The following UCK2 variants were observed in gnomAD, a reference collection of about 807,000 sequenced individuals.
The protein encoded by UCK2 is cytidine monophosphokinase 2.
A neutral mutation model predicts 30.8 loss-of-function variants in UCK2; 6 were observed. The observed-to-expected ratio is 0.19, with a 90% confidence interval of 0.11 to 0.38. The LOEUF is 0.38. UCK2 is among the 10% of genes least tolerant of loss of function. UCK2 has a pLI of 1.00. For synonymous variants in UCK2, 125 were observed against 133.6 expected, an observed-to-expected ratio of 0.94 and a Z score of 0.45; for missense variants, 210 against 339.8, an observed-to-expected ratio of 0.62 and a Z score of 3.00.
intron 1 of UCK2, among the ~76,000 whole-genome samples, chr1:165,864,625 G>T (rs539351166): frequency 2.6e-5 from 4 of 152,250 alleles, no homozygotes; most frequent in African/African-American, 9.6e-5. Context: ...ACATATATAA[G>T]TAAGGTTTTA....
At position 165,836,664 on chromosome 1, in the gene UCK2, G is replaced by A. The variant is rs1314323015; in HGVS notation, c.99+8732G>A. Among the ~76,000 whole-genome samples the A allele has an allele frequency of 2.0e-5, 3 of 152,096 alleles. No individual in the cohort carries two copies. In the East Asian group the frequency reaches 5.8e-4, roughly 29 times the overall value. ...AGTATTTTAGATCACCTTTTTGCAT[G>A]GATTCAGAGTGGAGGGGTGATGGGC... On this transcript the variant is annotated intron_variant, in intron 1 of 6. Coordinates refer to ENST00000367879, the MANE Select transcript of UCK2 (RefSeq NM_012474.5).
intron 1 of UCK2, among the ~76,000 whole-genome samples, chr1:165,845,496 C>T (rs1654425850): frequency 6.6e-6 from 1 of 152,112 alleles, no homozygotes; most frequent in Admixed American, 6.5e-5. Flanking sequence ...GAGAGCATGT[C>T]CCTTGAGGTG....
chr1:165,836,057 C>T lies in UCK2; in HGVS notation c.99+8125C>T, dbSNP rs370236936. Among the ~76,000 whole-genome samples the T allele has an allele frequency of 1.5e-4, 23 of 152,144 alleles. No homozygotes were observed. The East Asian group carries it at 3.3e-3, about 22-fold the overall frequency. On this transcript the variant is annotated intron_variant, in intron 1 of 6. Transcript: ENST00000367879. ...CAGCCTGGCCAACATGGGGAAACCC[C>T]GTCTCTACTAAAATACAAAAATTAG...
intron 1 of UCK2, among the ~76,000 whole-genome samples, chr1:165,863,540 A>G (rs191450229): frequency 1.3e-5 from 2 of 152,362 alleles, no homozygotes; most frequent in East Asian, 1.9e-4. Flanking sequence ...CGTGTTGCAC[A>G]GTGAGTGAAC....
intron 1 of UCK2, among the ~76,000 whole-genome samples, chr1:165,855,510 CTT>C (rs76464312): frequency 2.0e-4 from 26 of 128,158 alleles, no homozygotes; most frequent in Middle Eastern, 4.1e-3. Context: ...TTTTTCTTTT[CTT>C]TTTTTTTTTT....
At chr1:165,864,424 T>C (rs1367386512) in intron 1 of UCK2, among the ~76,000 whole-genome samples, 4 of 152,190 alleles carry the variant, frequency 2.6e-5, no homozygotes, top group Non-Finnish European at 4.4e-5. Context: ...TTTATAGGTA[T>C]CAGTATATTG....
rs1647770324 is a variant in UCK2, at chr1:165,909,151, TC to T, written c.*1330del. The T allele has an allele frequency of 6.6e-6, 1 of 152,142 alleles. No homozygotes were observed. The highest frequency in any genetic ancestry group is 2.4e-5 in the African/African-American group (1 of 41,422). 9.4% of individuals were successfully genotyped at this position (152,142 alleles called of 1,614,324 possible). A position where few individuals can be genotyped will look rare whatever the true frequency, so the allele number is the denominator to read the frequency against. On this transcript the variant is annotated 3_prime_UTR_variant, in exon 7 of 7. Coordinates refer to ENST00000367879, the MANE Select transcript of UCK2 (RefSeq NM_012474.5). ...TATTTGGGGTGGAGATTTCTAGCTT[TC>T]CTGAGAGCTGCTGCTTGGTGGTAGT...
At chr1:165,856,584 C>G (rs755390164) in intron 1 of UCK2, among the ~76,000 whole-genome samples, 3 of 151,964 alleles carry the variant, frequency 2.0e-5, no homozygotes, top group Non-Finnish European at 2.9e-5. Flanking sequence ...TTTTATCTTG[C>G]AATTGGCCGG....
intron 1 of UCK2, among the ~76,000 whole-genome samples, chr1:165,843,806 G>T (rs750461710): frequency 3.3e-5 from 5 of 152,208 alleles, no homozygotes; most frequent in Non-Finnish European, 4.4e-5. Context: ...AGTAACACAT[G>T]TTCTTGTAAA....
At chr1:165,852,453 A>C (rs183509511) in intron 1 of UCK2, among the ~76,000 whole-genome samples, 1 of 152,368 alleles carries the variant, frequency 6.6e-6, no homozygotes, top group East Asian at 1.9e-4. Context: ...GTGGCCAACA[A>C]ACATGAGAAA....
chr1:165,891,115 C>T, intron 2 of UCK2, 111 bp from the exon 3 acceptor site: 1 of 948,542 alleles, frequency 1.1e-6, no homozygotes, highest in South Asian at 1.6e-5. Flanking sequence ...AGTATGATTA[C>T]CTTTAAAGTG....
At chr1:165,882,646 C>T (rs1655525925) in intron 1 of UCK2, among the ~76,000 whole-genome samples, 1 of 152,144 alleles carries the variant, frequency 6.6e-6, no homozygotes, top group South Asian at 2.1e-4. Flanking sequence ...CTAGAGGGGA[C>T]TAATGCAGTG....
chr1:165,859,009 C>G (rs1055951963), intron 1 of UCK2, among the ~76,000 whole-genome samples: 3 of 152,154 alleles, frequency 2.0e-5, no homozygotes, highest in African/African-American at 7.2e-5. Flanking sequence ...AAATCTTCTG[C>G]TGGGATTGCT....
At chr1:165,892,402 C>T (rs1286981633) in intron 3 of UCK2, among the ~76,000 whole-genome samples, 1 of 152,128 alleles carries the variant, frequency 6.6e-6, no homozygotes, top group Non-Finnish European at 1.5e-5. Flanking sequence ...GCCTGAGGCA[C>T]TGGAGCAGAA....
At chr1:165,847,320 A>G (rs770433959) in intron 1 of UCK2, among the ~76,000 whole-genome samples, 11 of 152,204 alleles carry the variant, frequency 7.2e-5, no homozygotes, top group Non-Finnish European at 1.5e-4. Flanking sequence ...AGAAAAGGCA[A>G]TTGAAATGTT....
chr1:165,836,479 C>A (rs1480863190), intron 1 of UCK2, among the ~76,000 whole-genome samples: 1 of 152,104 alleles, frequency 6.6e-6, no homozygotes, highest in African/African-American at 2.4e-5. Context: ...CAGTTTTTAC[C>A]TTTAAAATTA....
chr1:165,879,545 T>TTTTTTATTATTATTATTATTA (rs1553199403), intron 1 of UCK2, among the ~76,000 whole-genome samples: 1 of 146,836 alleles, frequency 6.8e-6, no homozygotes, highest in Non-Finnish European at 1.5e-5. Context: ...ATGTTTGCTT[T>TTTTTTATTATTATTATTATTA]TTATTATTAT....
intron 4 of UCK2, among the ~76,000 whole-genome samples, chr1:165,896,866 TAA>T (rs1647274870): frequency 6.6e-6 from 1 of 152,200 alleles, no homozygotes; most frequent in Non-Finnish European, 1.5e-5. Context: ...CAGGCCCTAC[TAA>T]GTGTGGGCCT....
At chr1:165,894,131 T>C (rs1351893988) in intron 3 of UCK2, 1 of 152,228 alleles carries the variant, frequency 6.6e-6, no homozygotes, top group Non-Finnish European at 1.5e-5. Flanking sequence ...GCCCTAAATA[T>C]AATGCAGATA....
Sources: gnomAD v4.1 joint callset for allele counts (sites outside exome capture counted in the v4.1 genomes callset) on GRCh38, gnomAD v4.1.1 for gene constraint, MANE v1.5 for transcripts, NCBI Gene and HGNC (gene_info 2026-07-23, HGNC 2026-07-21) for gene names.